Variants in TNPO1 observed in about 807,000 individuals in gnomAD.
TNPO1 encodes transportin-1.
TNPO1 carries 8 observed loss-of-function variants against 119.5 expected under a neutral mutation model. The observed-to-expected ratio is 0.07, with a 90% CI of 0.04 to 0.12. The LOEUF (loss-of-function observed/expected upper bound fraction) is 0.12. TNPO1 is among the 10% of genes least tolerant of loss of function. The probability of loss-of-function intolerance (pLI) is 1.00; values close to 1 mark genes in which losing one functional copy is unlikely to be tolerated. For synonymous variants in TNPO1, 362 were observed against 363.0 expected (o/e 1.00, Z 0.03); for missense variants, 576 against 1,089.8 (o/e 0.53, Z 6.64).
rs1750677452 is a variant in TNPO1, at chr5:72,913,220, C to G, written c.*4547C>G. The G allele has an allele frequency of 6.6e-6, 1 of 152,396 alleles. No homozygotes were observed. The allele number at this position is 152,396 out of a possible 1,614,324, so 9.4% of individuals were successfully genotyped here. A position where few individuals can be genotyped will look rare whatever the true frequency, so the allele number is the denominator to read the frequency against. On this transcript the variant is annotated 3_prime_UTR_variant, in exon 25 of 25. Transcript: ENST00000337273. ...TTAAATATGGAGATACTTCTAATGC[C>G]TCTCTAAAATTAAATTTTACATAAA...
chr5:72,865,527 A>G (rs985176439), intron 5 of TNPO1, 69 bp from the exon 6 acceptor site: 8 of 1,518,780 alleles, frequency 5.3e-6, no homozygotes, highest in Admixed American at 3.5e-5. Context: ...ATTAATCAGC[A>G]TTCTTCAGTT....
chr5:72,902,820 CTGTGCATT>C (rs1749890181), intron 22 of TNPO1, among the ~76,000 whole-genome samples: 1 of 152,028 alleles, frequency 6.6e-6, no homozygotes, highest in Non-Finnish European at 1.5e-5. Flanking sequence ...TTCTGGGTAT[CTGTGCATT>C]TAAATTTTTA....
chr5:72,864,616 T>C (rs1746743173), intron 5 of TNPO1, among the ~76,000 whole-genome samples: 1 of 152,186 alleles, frequency 6.6e-6, no homozygotes, highest in South Asian at 2.1e-4. Context: ...TAACTTTTTT[T>C]TCCTTTTTTT....
At chr5:72,861,016 G>A (rs943420289) in intron 4 of TNPO1, among the ~76,000 whole-genome samples, 1 of 151,720 alleles carries the variant, frequency 6.6e-6, no homozygotes, top group Non-Finnish European at 1.5e-5. Context: ...GGGTTCAAGC[G>A]ATTCTCCTGC....
chr5:72,846,910 G>A (rs1428203300), intron 1 of TNPO1, among the ~76,000 whole-genome samples: 10 of 152,190 alleles, frequency 6.6e-5, no homozygotes, highest in East Asian at 1.9e-4. Flanking sequence ...AATGATATAC[G>A]AAGTCAGGCA....
chr5:72,908,110 A>T (rs976630112), intron 24 of TNPO1, among the ~76,000 whole-genome samples: 3 of 152,054 alleles, frequency 2.0e-5, no homozygotes, highest in African/African-American at 7.2e-5. Flanking sequence ...TTTTATGTAG[A>T]ATTTGTTTGT....
At chr5:72,869,273 G>T (rs572704024) in intron 6 of TNPO1, among the ~76,000 whole-genome samples, 1 of 152,190 alleles carries the variant, frequency 6.6e-6, no homozygotes, top group East Asian at 1.9e-4. Context: ...ATGGCAGGGC[G>T]TAGTGGCTCA....
chr5:72,913,659 A>C lies in TNPO1; in HGVS notation c.*4986A>C, dbSNP rs767828612. 1 of 152,486 alleles carries C rather than the reference A, an allele frequency of 6.6e-6. No individual in the cohort carries two copies. The highest frequency in any genetic ancestry group is 2.4e-5 in the African/African-American group (1 of 41,434). 9.4% of individuals were successfully genotyped at this position (152,486 alleles called of 1,614,324 possible). On this transcript the variant is annotated 3_prime_UTR_variant, in exon 25 of 25. Transcript: ENST00000337273. ...GGCTTGGTATTATTCAAGATTAGCT[A>C]TTTCGCTGGTATTACATCTTTTTAA...
At chr5:72,870,879 T>A (rs1272851338) in intron 6 of TNPO1, among the ~76,000 whole-genome samples, 1 of 152,194 alleles carries the variant, frequency 6.6e-6, no homozygotes, top group Non-Finnish European at 1.5e-5. Context: ...TTCCATTTGT[T>A]TACTATGCCA....
rs1750633077 is a variant in TNPO1, at chr5:72,912,514, G to C, written c.*3841G>C. On this transcript the variant is annotated 3_prime_UTR_variant, in exon 25 of 25. Transcript: ENST00000337273. ...GACATGCTTATAAAGGGTCATCCTA[G>C]TTACATTCTTTGTTTTTTAAGTGTA... 6.6e-6 allele frequency: 1 copy of C among 152,434 alleles called. No homozygotes were observed. Among genetic ancestry groups the C allele is most frequent in the South Asian group, 2.1e-4 (1 of 4,834 alleles). 9.4% of individuals were successfully genotyped at this position (152,434 alleles called of 1,614,324 possible). A position where few individuals can be genotyped will look rare whatever the true frequency, so the allele number is the denominator to read the frequency against.
intron 1 of TNPO1, among the ~76,000 whole-genome samples, chr5:72,843,211 T>A (rs916981291): frequency 1.3e-5 from 2 of 152,222 alleles, no homozygotes; most frequent in Non-Finnish European, 2.9e-5. Flanking sequence ...GAAATCTGTT[T>A]ATAGATATCA....
intron 20 of TNPO1, among the ~76,000 whole-genome samples, chr5:72,897,545 A>G (rs1346623602): frequency 6.6e-6 from 1 of 152,064 alleles, no homozygotes; most frequent in South Asian, 2.1e-4. Context: ...AAATTGGTTA[A>G]CAGTGGCATT....
rs142841743 is a variant in TNPO1, at chr5:72,885,065, C to T, written c.1150+1833C>T. On this transcript the variant is annotated intron_variant, in intron 11 of 24. Transcript: ENST00000337273. ...AATTTCTCTGTTGCCTCTTCAGTTTCCTGTAACTAACATTCTATTTAGAGT... is the reference window on the plus strand; with the variant it reads ...AATTTCTCTGTTGCCTCTTCAGTTTTCTGTAACTAACATTCTATTTAGAGT... Among the ~76,000 whole-genome samples the T allele has an allele frequency of 2.0e-3, 303 of 152,364 alleles. 3 individuals are homozygous for T. Among genetic ancestry groups the T allele is most frequent in the African/African-American group, 7.0e-3 (293 of 41,580 alleles).
At chr5:72,863,000 G>T (rs1275635554) in intron 5 of TNPO1, among the ~76,000 whole-genome samples, 2 of 147,442 alleles carry the variant, frequency 1.4e-5, no homozygotes, top group African/African-American at 5.2e-5. Context: ...TTTTGTGTGT[G>T]TGTGTGTGTG....
chr5:72,843,523 G>A (rs1232306201), intron 1 of TNPO1, among the ~76,000 whole-genome samples: 1 of 151,754 alleles, frequency 6.6e-6, no homozygotes, highest in Non-Finnish European at 1.5e-5. Flanking sequence ...GAACCTGAGA[G>A]GCGGACGTTG....
chr5:72,879,019 T>G (rs1009040649), intron 9 of TNPO1: 8 of 412,926 alleles, frequency 1.9e-5, no homozygotes, highest in South Asian at 1.3e-4. Flanking sequence ...AGTCTCTGTG[T>G]TGTTCTTTGT....
chr5:72,857,274 C>T (rs958474638), intron 4 of TNPO1, among the ~76,000 whole-genome samples: 10 of 151,460 alleles, frequency 6.6e-5, no homozygotes, highest in Non-Finnish European at 2.9e-5. Context: ...GCTGAGATCA[C>T]GCCATTGCAC....
At chr5:72,883,768 G>A (rs1290256862) in intron 11 of TNPO1, among the ~76,000 whole-genome samples, 1 of 151,976 alleles carries the variant, frequency 6.6e-6, no homozygotes, top group African/African-American at 2.4e-5. Flanking sequence ...TTGAGGCAGG[G>A]TCTCTGTCAC....
At chr5:72,827,864 G>A (rs1744273370) in intron 1 of TNPO1, among the ~76,000 whole-genome samples, 1 of 149,540 alleles carries the variant, frequency 6.7e-6, no homozygotes, top group African/African-American at 2.5e-5. Flanking sequence ...AGGTTGCAGT[G>A]ATCTGTGGTC....
Sources: allele counts gnomAD v4.1 joint callset (sites outside exome capture counted in the v4.1 genomes callset), GRCh38; gene constraint gnomAD v4.1.1; transcripts MANE v1.5; gene names NCBI Gene and HGNC (gene_info 2026-07-23, HGNC 2026-07-21).